The following PREX1 variants were observed in gnomAD, a reference collection of about 807,000 sequenced individuals.
PREX1 encodes phosphatidylinositol-3,4,5-trisphosphate dependent Rac exchange factor 1.
PREX1 carries 41 observed loss-of-function variants against 198.3 expected under a neutral mutation model. That is an observed-to-expected ratio of 0.21 (90% CI 0.16 to 0.27). PREX1 has a LOEUF of 0.27. PREX1 is among the 10% of genes least tolerant of loss of function. PREX1 has a pLI of 1.00. For synonymous variants in PREX1, 843 were observed against 887.2 expected (o/e 0.95, Z 0.89); for missense variants, 1,620 against 2,200.7 (o/e 0.74, Z 5.28).
chr20:48,658,490 C>G (rs574778597), intron 16 of PREX1, among the ~76,000 whole-genome samples: 1 of 152,140 alleles, frequency 6.6e-6, no homozygotes, highest in Non-Finnish European at 1.5e-5. Context: ...TAGGGAGGAG[C>G]GGTCCCACCC....
intron 14 of PREX1, among the ~76,000 whole-genome samples, chr20:48,673,908 AAACAATCTAAAGG>A: frequency 6.6e-6 from 1 of 152,318 alleles, no homozygotes; most frequent in Non-Finnish European, 1.5e-5. Flanking sequence ...CAAAACCTCA[AAACAATCTAAAGG>A]AGAAGGTATT....
chr20:48,872,491 C>G, the PREX1 span, among the ~76,000 whole-genome samples: 4 of 152,170 alleles, frequency 2.6e-5, no homozygotes, highest in African/African-American at 9.7e-5. Flanking sequence ...TGCCTGTAAT[C>G]TCAGCACTTG....
At chr20:48,882,137 G>A in the PREX1 span, among the ~76,000 whole-genome samples, 3 of 152,082 alleles carry the variant, frequency 2.0e-5, no homozygotes, top group African/African-American at 7.2e-5. Flanking sequence ...TATACATTTT[G>A]TTTAGACAAC....
chr20:48,814,796 G>A (rs189015464), intron 1 of PREX1, among the ~76,000 whole-genome samples: 126 of 152,254 alleles, frequency 8.3e-4, no homozygotes, highest in African/African-American at 2.7e-3. Context: ...GAGCTAAACC[G>A]AACCCTGTCA....
chr20:48,636,574 G>A lies in PREX1; in HGVS notation c.4056C>T (p.Asn1352=). The A allele has an allele frequency of 3.7e-6, 6 of 1,612,088 alleles. No individual in the cohort carries two copies. The highest frequency in any genetic ancestry group is 5.1e-6 in the Non-Finnish European group (6 of 1,179,728). Residue 1352 remains asparagine (N), a synonymous_variant, in exon 32 of 40, where the codon AAC becomes AAT. Transcript: ENST00000371941. The part of the protein sequence containing the change: ...LLAALGYRYN[N]NGEYEESSRD... ...GGCTGCTCTCCTCGTACTCGCCATT[G>A]TTGTTGTAGCGGTAGCCCAGGGCCG... is the stretch of plus-strand genomic sequence containing the variant.
At chr20:48,882,501 CAAAAAAAAAA>C in the PREX1 span, among the ~76,000 whole-genome samples, 5 of 66,852 alleles carry the variant, frequency 7.5e-5, 1 homozygote, top group East Asian at 1.2e-3. Context: ...GACTCCGTCT[CAAAAAAAAAA>C]AAAAAAAAAA....
intron 25 of PREX1, among the ~76,000 whole-genome samples, chr20:48,646,539 A>T (rs1174094428): frequency 6.6e-6 from 1 of 152,080 alleles, no homozygotes; most frequent in African/African-American, 2.4e-5. Context: ...TAACAAACAA[A>T]AATTAACTGG....
At chr20:48,805,474 C>A (rs764332025) in intron 1 of PREX1, among the ~76,000 whole-genome samples, 4 of 152,212 alleles carry the variant, frequency 2.6e-5, no homozygotes, top group Non-Finnish European at 4.4e-5. Context: ...CTACCTTCTG[C>A]GGCTGCCAAA....
intron 6 of PREX1, 108 bp from the exon 7 acceptor site, chr20:48,700,994 C>T: frequency 6.9e-7 from 1 of 1,443,360 alleles, no homozygotes; most frequent in Admixed American, 1.8e-5. Flanking sequence ...AAAACTCCAC[C>T]AGCAAGTCTG....
At chr20:48,679,141 T>C (rs1374112353) in intron 13 of PREX1, among the ~76,000 whole-genome samples, 2 of 152,178 alleles carry the variant, frequency 1.3e-5, no homozygotes, top group African/African-American at 2.4e-5. Context: ...TCAAGCTCAG[T>C]CTGTCTGGCT....
At chr20:48,646,675 CAAA>C (rs552888256) in intron 25 of PREX1, among the ~76,000 whole-genome samples, 5 of 82,536 alleles carry the variant, frequency 6.1e-5, no homozygotes, top group Admixed American at 1.2e-4. Flanking sequence ...GAACCCATCT[CAAA>C]AAAAAAAAAA....
intron 14 of PREX1, among the ~76,000 whole-genome samples, chr20:48,670,824 G>A (rs1399191258): frequency 4.6e-5 from 7 of 152,212 alleles, no homozygotes; most frequent in Non-Finnish European, 8.8e-5. Context: ...GACAACCCCT[G>A]CCACACACAA....
the PREX1 span, among the ~76,000 whole-genome samples, chr20:48,887,314 T>C: frequency 0.14 from 21,909 of 152,224 alleles, 1,640 homozygotes; most frequent in African/African-American, 0.17. Context: ...GGGTCACACC[T>C]GTAATCCCAG....
the PREX1 span, among the ~76,000 whole-genome samples, chr20:48,872,734 A>C: frequency 6.6e-6 from 1 of 152,312 alleles, no homozygotes; most frequent in Admixed American, 6.5e-5. Flanking sequence ...CAACAGAGCG[A>C]GACTCTGTCT....
At chr20:48,630,851 C>G in intron 35 of PREX1, 57 bp from the exon 36 acceptor site, 1 of 1,362,808 alleles carries the variant, frequency 7.3e-7, no homozygotes, top group Non-Finnish European at 1.0e-6. Context: ...TCCTCCTGCC[C>G]CTACCCAGGT....
the PREX1 span, among the ~76,000 whole-genome samples, chr20:48,833,859 G>A: frequency 6.6e-6 from 1 of 152,106 alleles, no homozygotes; most frequent in African/African-American, 2.4e-5. Context: ...CGAGACGGGC[G>A]GATAGCGAGG....
the PREX1 span, among the ~76,000 whole-genome samples, chr20:48,866,200 C>T: frequency 1.3e-5 from 2 of 152,046 alleles, no homozygotes; most frequent in Non-Finnish European, 2.9e-5. Context: ...GATCCTCTGG[C>T]TAAACTTTTA....
chr20:48,862,038 T>A, the PREX1 span, among the ~76,000 whole-genome samples: 1 of 151,994 alleles, frequency 6.6e-6, no homozygotes, highest in Non-Finnish European at 1.5e-5. Context: ...GGCAAAACCC[T>A]GTCTCTACTA....
rs535028962 is a variant in PREX1, at chr20:48,761,915, C to G, written c.220-14035G>C. On this transcript the variant is annotated intron_variant, in intron 1 of 39. Transcript: ENST00000371941. ...CAAGCTTCTTTTGAAAAAACTGACA[C>G]ATGGGTCTCAAATGCCCACAAGGCT... 4.6e-5 allele frequency among the ~76,000 whole-genome samples: 7 copies of G among 152,302 alleles called. No homozygotes were observed. In the East Asian group the frequency reaches 1.4e-3, roughly 29 times the overall value.
Sources: allele counts gnomAD v4.1 joint callset (sites outside exome capture counted in the v4.1 genomes callset), GRCh38; gene constraint gnomAD v4.1.1; transcripts MANE v1.5; gene names NCBI Gene and HGNC (gene_info 2026-07-23, HGNC 2026-07-21).